Variants in HOMER3 observed in about 807,000 individuals in gnomAD.
HOMER3 encodes the protein homer scaffold protein 3, also known as homer protein homolog 3.
Under a neutral mutation model 45.5 loss-of-function variants are expected in HOMER3, and 34 were observed. The ratio of observed to expected loss-of-function variants is 0.75; its 90% CI spans 0.57 to 1.00. The LOEUF is 1.00. Ranked by LOEUF, HOMER3 falls within the 50% of genes least tolerant of loss-of-function variation. The pLI, the probability that HOMER3 is intolerant of heterozygous loss-of-function variation, is 0.00. For synonymous variants in HOMER3, 223 were observed against 208.8 expected, an observed-to-expected ratio of 1.07 and a Z score of -0.58; for missense variants, 480 against 497.5, an observed-to-expected ratio of 0.96 and a Z score of 0.33.
chr19:18,929,719 T>A, intron 9 of HOMER3, 85 bp from the exon 10 acceptor site: 1 of 1,180,898 alleles, frequency 8.5e-7, no homozygotes, highest in Non-Finnish European at 1.2e-6. Context: ...CACCTTCATG[T>A]CCCTCTTCTG....
intron 5 of HOMER3, among the ~76,000 whole-genome samples, chr19:18,933,405 C>A (rs1249594132): frequency 6.6e-6 from 1 of 152,206 alleles, no homozygotes; most frequent in Admixed American, 6.5e-5. Flanking sequence ...TTCAACATCA[C>A]GTTTAGGATT....
At chr19:18,930,962 C>T (rs935478164) in intron 9 of HOMER3, among the ~76,000 whole-genome samples, 9 of 150,722 alleles carry the variant, frequency 6.0e-5, no homozygotes, top group African/African-American at 2.2e-4. Flanking sequence ...GAGCTGAGAT[C>T]GTGCCATTGC....
At chr19:18,940,626 T>C (rs749798343) in intron 1 of HOMER3, 3 of 152,090 alleles carry the variant, frequency 2.0e-5, no homozygotes, top group Non-Finnish European at 4.4e-5. Flanking sequence ...CAACCCCAGG[T>C]CGGTAACTCC....
rs760404254 is a variant in HOMER3, at chr19:18,938,425, G to T, written c.231C>A (p.Phe77Leu). The T allele has an allele frequency of 6.2e-7, 1 of 1,614,124 alleles. No homozygotes were observed. Among genetic ancestry groups the T allele is most frequent in the Non-Finnish European group, 8.5e-7 (1 of 1,179,970 alleles). Residue 77 changes from phenylalanine to leucine, a missense_variant, in exon 4 of 10, where the codon TTC (phenylalanine) becomes TTA (leucine). Coordinates refer to ENST00000392351, the MANE Select transcript of HOMER3 (RefSeq NM_004838.4). ...TGGCGCGACTGTCGGCCCACTGCCC[G>T]AACTTCTGGGAAGTTTTGGTGAAGG... is the stretch of plus-strand genomic sequence containing the variant. ...NMTFTKTSQK[F>L]GQWADSRANT...
chr19:18,933,134 TGAC>T (rs1256089389), intron 5 of HOMER3, 89 bp from the exon 6 acceptor site: 1 of 1,387,994 alleles, frequency 7.2e-7, no homozygotes, highest in East Asian at 2.8e-5. Flanking sequence ...GGGGTGCAAT[TGAC>T]CTATGCACCC....
Position 18,929,613 on chromosome 19 carries a change from C to T in HOMER3, c.916G>A (p.Glu306Lys). The T allele has an allele frequency of 6.5e-7, 1 of 1,528,964 alleles. No homozygotes were observed. Among genetic ancestry groups the T allele is most frequent in the Non-Finnish European group, 8.8e-7 (1 of 1,136,052 alleles). 94.7% of individuals were successfully genotyped at this position (1,528,964 alleles called of 1,614,324 possible). A position where few individuals can be genotyped will look rare whatever the true frequency, so the allele number is the denominator to read the frequency against. The stretch of plus-strand genomic sequence containing the variant: ...ATCGCCCGCAGCTGGTGCTCCAACT[C>T]CGCATTGCGGGTCTCCAGGTCCTGC... ...KVQDLETRNA[E>K]LEHQLRAMER... The change falls in exon 10 of 10, where the codon GAG (glutamate) becomes AAG (lysine). Residue 306 changes from glutamate to lysine, a missense_variant. Physicochemically the swap from Glu to Lys is moderately conservative, Grantham distance 56. Transcript: ENST00000392351.
chr19:18,929,820 T>A (rs996862773), intron 9 of HOMER3, among the ~76,000 whole-genome samples, 186 bp from the exon 10 acceptor site: 3 of 152,262 alleles, frequency 2.0e-5, no homozygotes, highest in African/African-American at 7.2e-5. Flanking sequence ...TTTGTTTGTT[T>A]GTTTGTTTTT....
At chr19:18,938,527 T>G (rs2057118966) in intron 3 of HOMER3, 43 bp from the exon 4 acceptor site, 2 of 1,595,570 alleles carry the variant, frequency 1.3e-6, no homozygotes, top group Admixed American at 1.7e-5. Flanking sequence ...GGACAGATAC[T>G]AACAAACATG....
At chr19:18,931,702 C>T in intron 7 of HOMER3, 77 bp from the exon 8 acceptor site, 1 of 1,520,244 alleles carries the variant, frequency 6.6e-7, no homozygotes, top group East Asian at 2.3e-5. Flanking sequence ...GGGAATCTGC[C>T]TCCTGTCTGG....
At chr19:18,939,298 G>A in intron 1 of HOMER3, 1 of 337,676 alleles carries the variant, frequency 3.0e-6, no homozygotes, top group East Asian at 5.1e-5. Context: ...ACAATTAGCT[G>A]GGTGTGGTGG....
chr19:18,930,970 T>C lies in HOMER3; in HGVS notation c.894+355A>G, dbSNP rs143249440. Among the ~76,000 whole-genome samples the C allele has an allele frequency of 5.8e-3, 885 of 152,052 alleles. 7 individuals carry two copies. The highest frequency in any genetic ancestry group is 9.5e-3 in the Non-Finnish European group (649 of 67,966). On this transcript the variant is annotated intron_variant, in intron 9 of 9. Coordinates refer to ENST00000392351, the MANE Select transcript of HOMER3 (RefSeq NM_004838.4). ...TTGCAGTGAGCTGAGATCGTGCCAT[T>C]GCACTCCAGCCTGGGCAACAGAGCG...
rs1341632729 is a variant in HOMER3 at position 18,929,295 on chromosome 19, GGGCCCACCCCAGCCCAGCCCGGCCC to G, written c.*123_*147del. On this transcript the variant is annotated 3_prime_UTR_variant, in exon 10 of 10. Coordinates refer to ENST00000392351, the MANE Select transcript of HOMER3 (RefSeq NM_004838.4). ...AGCTGCCAACAACCAGAGCCGACTG[GGGCCCACCCCAGCCCAGCCCGGCCC>G]GGCCCACCCAGGGCTAAGTTGGGAC... 3.9e-5 allele frequency: 34 copies of G among 869,540 alleles called. No individual in the cohort carries two copies. Among genetic ancestry groups the G allele is most frequent in the Non-Finnish European group, 6.0e-5 (31 of 514,342 alleles). 53.9% of individuals were successfully genotyped at this position (869,540 alleles called of 1,614,324 possible).
intron 5 of HOMER3, among the ~76,000 whole-genome samples, chr19:18,934,001 C>T (rs1044270909): frequency 1.1e-4 from 16 of 152,248 alleles, no homozygotes; most frequent in Non-Finnish European, 1.8e-4. Context: ...CCACCGCACC[C>T]GGCCACACTT....
intron 1 of HOMER3, chr19:18,939,779 A>G (rs1373422070): frequency 6.6e-6 from 1 of 152,314 alleles, no homozygotes; most frequent in Non-Finnish European, 1.5e-5. Context: ...TAGTACCAGG[A>G]GACCAGTTCC....
intron 6 of HOMER3, among the ~76,000 whole-genome samples, chr19:18,932,650 G>C (rs2057049118): frequency 6.6e-6 from 1 of 152,082 alleles, no homozygotes; most frequent in Non-Finnish European, 1.5e-5. Flanking sequence ...GGCGTGGTCA[G>C]GGTGGTTATC....
In HOMER3 at chr19:18,939,007, C is replaced by T. The variant is rs747633654; in HGVS notation, c.-25G>A. 5.1e-6 allele frequency: 8 copies of T among 1,558,658 alleles called. No homozygotes were observed. The Admixed American group carries it at 1.5e-4, about 29-fold the overall frequency. ...TTGGTCAGGCTGGGATGGGCAGGCT[C>T]TAGGGGGCAGCCAGAGAGGTGGCAG... On this transcript the variant is annotated 5_prime_UTR_variant, in exon 2 of 10. Transcript: ENST00000392351.
intron 5 of HOMER3, among the ~76,000 whole-genome samples, chr19:18,933,612 C>T (rs117168727): frequency 0.034 from 5,116 of 152,274 alleles, 134 homozygotes; most frequent in Middle Eastern, 0.058. Flanking sequence ...CGGCCTGGTA[C>T]ACAGCAGGTG....
In HOMER3 at chr19:18,938,709, A is replaced by ACCCCCACCCCC; in HGVS notation, c.171+18_171+19insGGGGGTGGGGG. 6.4e-6 allele frequency: 6 copies of ACCCCCACCCCC among 940,910 alleles called. No homozygotes were observed. Among genetic ancestry groups the ACCCCCACCCCC allele is most frequent in the South Asian group, 1.4e-5 (1 of 73,038 alleles). The allele number at this position is 940,910 out of a possible 1,614,324, so 58.3% of individuals were successfully genotyped here. ...CCAGGACTCCTGGTGCCTCTGCCCC[A>ACCCCCACCCCC]CCCAGACCCCACCCTGACCTTGGCG... On this transcript the variant is annotated intron_variant, in intron 3 of 9. Coordinates refer to ENST00000392351, the MANE Select transcript of HOMER3 (RefSeq NM_004838.4).
intron 1 of HOMER3, chr19:18,940,371 G>C (rs763740529): frequency 6.6e-6 from 1 of 152,280 alleles, no homozygotes; most frequent in Non-Finnish European, 1.5e-5. Flanking sequence ...CCCGGAGGGG[G>C]GTCCGACACC....
Sources: gnomAD v4.1 joint callset for allele counts (sites outside exome capture counted in the v4.1 genomes callset) on GRCh38, gnomAD v4.1.1 for gene constraint, MANE v1.5 for transcripts, NCBI Gene and HGNC (gene_info 2026-07-23, HGNC 2026-07-21) for gene names.